The following ENOX2 variants were observed in gnomAD, a reference collection of about 807,000 sequenced individuals.
ENOX2 encodes the protein ecto-NOX disulfide-thiol exchanger 2, also known as APK1 antigen.
In ENOX2, 36 loss-of-function variants were observed where a neutral mutation model predicts 45.0. That is an observed-to-expected ratio of 0.80 (90% CI 0.61 to 1.06). The LOEUF is 1.06. ENOX2 is among the 50% of genes least tolerant of loss of function. The pLI, the probability that ENOX2 is intolerant of heterozygous loss-of-function variation, is 0.00. For missense variants in ENOX2, 423 were observed against 462.5 expected (o/e 0.91, Z 0.78); for synonymous variants, 174 against 152.3 (o/e 1.14, Z -1.05).
At chrX:130,857,381 G>A (rs996356919) in intron 2 of ENOX2, among the ~76,000 whole-genome samples, 4 of 112,234 alleles carry the variant, frequency 3.6e-5, no homozygotes, top group Non-Finnish European at 7.5e-5. Context: ...TCATTATGGT[G>A]TTAACTACAA....
At chrX:130,736,370 A>G (rs2038861621) in intron 3 of ENOX2, among the ~76,000 whole-genome samples, 1 of 111,151 alleles carries the variant, frequency 9.0e-6, no homozygotes, top group Non-Finnish European at 1.9e-5. Flanking sequence ...AAAAAAAAAA[A>G]TGCTATGGGA....
At chrX:130,795,927 A>C (rs2077117456) in intron 2 of ENOX2, among the ~76,000 whole-genome samples, 3 of 110,739 alleles carry the variant, frequency 2.7e-5, no homozygotes. Flanking sequence ...ACAGGAGTAC[A>C]CAGAGCCTTA....
chrX:130,820,804 T>C (rs2148466297), intron 2 of ENOX2, among the ~76,000 whole-genome samples: 1 of 111,391 alleles, frequency 9.0e-6, no homozygotes, highest in South Asian at 3.8e-4. Flanking sequence ...CAGGAAGTGG[T>C]TGGGGGATGA....
intron 3 of ENOX2, among the ~76,000 whole-genome samples, chrX:130,768,523 T>C (rs761708584): frequency 8.9e-5 from 10 of 112,018 alleles, no homozygotes; most frequent in Admixed American, 8.5e-4. Context: ...TGCCACATTA[T>C]CTGATTCTTT....
At chrX:130,645,002 T>C (rs2036191375) in intron 10 of ENOX2, among the ~76,000 whole-genome samples, 1 of 111,609 alleles carries the variant, frequency 9.0e-6, no homozygotes, top group Non-Finnish European at 1.9e-5. Flanking sequence ...TGGGGGATAC[T>C]GTGCTTTTAT....
intron 2 of ENOX2, among the ~76,000 whole-genome samples, chrX:130,838,848 G>A (rs987198051): frequency 9.0e-6 from 1 of 111,638 alleles, no homozygotes; most frequent in African/African-American, 3.3e-5. Context: ...CTGGCCCATA[G>A]GCTAATGAGT....
chrX:130,720,859 C>T (rs751314754), intron 3 of ENOX2, among the ~76,000 whole-genome samples: 1 of 111,598 alleles, frequency 9.0e-6, no homozygotes, highest in South Asian at 3.8e-4. Context: ...CAAGCCTCTA[C>T]AGAAGTCCCA....
At chrX:130,656,818 T>C in intron 9 of ENOX2, 123 bp from the exon 10 acceptor site, 1 of 456,322 alleles carries the variant, frequency 2.2e-6, no homozygotes, top group Non-Finnish European at 3.8e-6. Context: ...ATCCTCCAAA[T>C]ACTCTTAAGG....
At chrX:130,636,900 G>A (rs753682487) in intron 11 of ENOX2, among the ~76,000 whole-genome samples, 1 of 111,234 alleles carries the variant, frequency 9.0e-6, no homozygotes, top group Admixed American at 9.5e-5. Context: ...AAATAATTGA[G>A]GTTCTTTGTA....
intron 10 of ENOX2, among the ~76,000 whole-genome samples, chrX:130,646,890 G>A (rs1055655889): frequency 5.3e-5 from 6 of 112,433 alleles, no homozygotes; most frequent in Admixed American, 4.7e-4. Context: ...GGACATGGAT[G>A]TTCTCTCTAG....
intron 3 of ENOX2, among the ~76,000 whole-genome samples, chrX:130,756,765 G>C (rs982935483): frequency 1.8e-5 from 2 of 112,282 alleles, no homozygotes; most frequent in African/African-American, 6.5e-5. Flanking sequence ...TTTCTGGATG[G>C]ATAAGCTGCA....
At chrX:130,875,820 T>G (rs1053629781) in intron 2 of ENOX2, among the ~76,000 whole-genome samples, 4 of 111,827 alleles carry the variant, frequency 3.6e-5, no homozygotes, top group African/African-American at 9.8e-5. Flanking sequence ...AAATTAGAAA[T>G]ATTTTCAGAC....
At chrX:130,835,801 T>C (rs1182948986) in intron 2 of ENOX2, among the ~76,000 whole-genome samples, 1 of 111,826 alleles carries the variant, frequency 8.9e-6, no homozygotes, top group Non-Finnish European at 1.9e-5. Flanking sequence ...ATTACTCTAC[T>C]GAAATAAGTT....
chrX:130,840,696 G>A (rs2078001697), intron 2 of ENOX2, among the ~76,000 whole-genome samples: 1 of 110,230 alleles, frequency 9.1e-6, no homozygotes, highest in Admixed American at 9.7e-5. Context: ...GTGAAAACTT[G>A]TCTCTAAAAA....
rs2035727779 is a variant in ENOX2 at position 130,631,644 on chromosome X, C to T, written c.1420-68G>A. On this transcript the variant is annotated intron_variant, in intron 12 of 14. Coordinates refer to ENST00000394363, the MANE Select transcript of ENOX2 (RefSeq NM_006375.4). ...CAATAGAGTTGGTTTCAATTAACTA[C>T]ACAACAGGTAACTTAACACAGGACC... The T allele has an allele frequency of 6.9e-6, 4 of 582,475 alleles. No homozygotes were observed. In the Admixed American group the frequency reaches 9.2e-5, roughly 13 times the overall value. The allele number at this position is 582,475 out of a possible 1,213,427, so 48.0% of individuals were successfully genotyped here.
rs146185915 is a variant in ENOX2, at chrX:130,728,772, G to A, written c.-38-25518C>T. On this transcript the variant is annotated intron_variant, in intron 3 of 14. Coordinates refer to ENST00000394363, the MANE Select transcript of ENOX2 (RefSeq NM_006375.4). ...GATACTTCTAGGGATACCTACATTC[G>A]TAGGTAGGGAGGATGGACTTTTCCT... is the stretch of plus-strand genomic sequence containing the variant. 5.6e-3 allele frequency among the ~76,000 whole-genome samples: 628 copies of A among 111,613 alleles called. 5 individuals are homozygous for A. Among genetic ancestry groups the A allele is most frequent in the African/African-American group, 0.018 (567 of 30,704 alleles).
chrX:130,724,793 A>G (rs1402463637), intron 3 of ENOX2, among the ~76,000 whole-genome samples: 1 of 111,979 alleles, frequency 8.9e-6, no homozygotes, highest in Non-Finnish European at 1.9e-5. Flanking sequence ...ATCCATGACT[A>G]TTACACTGTG....
At chrX:130,795,950 T>C (rs950739848) in intron 2 of ENOX2, among the ~76,000 whole-genome samples, 5 of 110,571 alleles carry the variant, frequency 4.5e-5, no homozygotes, top group Admixed American at 1.9e-4. Context: ...AGACGACTTA[T>C]TGTAGGATCT....
chrX:130,752,485 C>T (rs1450982724), intron 3 of ENOX2, among the ~76,000 whole-genome samples: 1 of 110,015 alleles, frequency 9.1e-6, no homozygotes, highest in Non-Finnish European at 1.9e-5. Flanking sequence ...TGCCTCATGG[C>T]CCTCCCTTTC....
Sources: allele counts gnomAD v4.1 joint callset (sites outside exome capture counted in the v4.1 genomes callset), GRCh38; gene constraint gnomAD v4.1.1; transcripts MANE v1.5; gene names NCBI Gene and HGNC (gene_info 2026-07-23, HGNC 2026-07-21).